PBRM1: variants seen among roughly 807,000 people sequenced by gnomAD.
PBRM1 encodes protein polybromo-1.
A neutral mutation model predicts 194.5 loss-of-function variants in PBRM1; 27 were observed. The observed-to-expected ratio is 0.14, with a 90% CI of 0.10 to 0.19. The LOEUF (loss-of-function observed/expected upper bound fraction) is 0.19, where lower values mean the gene tolerates loss of function less well. Among genes scored for constraint, PBRM1 ranks in the 10% least tolerant of loss-of-function variants. The pLI is 1.00. For synonymous variants in PBRM1, 655 were observed against 693.2 expected, an observed-to-expected ratio of 0.94 and a Z score of 0.87; for missense variants, 1,466 against 2,077.2, an observed-to-expected ratio of 0.71 and a Z score of 5.72.
chr3:52,564,159 G>C (rs2153526137), exon 23 of PBRM1: 1 of 1,613,702 alleles, frequency 6.2e-7, no homozygotes, highest in Non-Finnish European at 8.5e-7. Context: ...CTCTCACAAA[G>C]CAGAATGTCA....
At chr3:52,644,831 A>G (rs762823789) in intron 7 of PBRM1, 42 bp from the exon 9 acceptor site, 8 of 971,100 alleles carry the variant, frequency 8.2e-6, no homozygotes, top group Non-Finnish European at 1.1e-5. Context: ...GGAACAGATA[A>G]AAGGACAGCT....
intron 18 of PBRM1, among the ~76,000 whole-genome samples, chr3:52,588,479 T>C (rs1193370681): frequency 6.6e-6 from 1 of 151,990 alleles, no homozygotes; most frequent in Non-Finnish European, 1.5e-5. Flanking sequence ...AAAGTTTGGC[T>C]CAAAGTATGT....
chr3:52,679,560 T>A lies in PBRM1; in HGVS notation c.138+14A>T, dbSNP rs2154065377. On this transcript the variant is annotated intron_variant, in intron 1 of 29. Coordinates refer to ENST00000296302, the Ensembl canonical transcript of PBRM1. ...GGAAGAGCAGGCAGAAACCATGTAA[T>A]CCAAGTTACTCACAGGATCTACAGT... is the stretch of plus-strand genomic sequence containing the variant. 1.2e-6 allele frequency: 2 copies of A among 1,609,294 alleles called. No homozygotes were observed. The highest frequency in any genetic ancestry group is 1.7e-6 in the Non-Finnish European group (2 of 1,177,604).
intron 6 of PBRM1, among the ~76,000 whole-genome samples, chr3:52,651,307 G>C (rs907878834): frequency 3.9e-5 from 6 of 152,078 alleles, no homozygotes; most frequent in Non-Finnish European, 8.8e-5. Context: ...TCTAACATCC[G>C]TTGTGGGTAG....
At position 52,609,389 on chromosome 3, in the gene PBRM1, T is replaced by A; in HGVS notation, c.2491A>T (p.Asn831Tyr). Residue 831 changes from asparagine to tyrosine, a missense_variant, in exon 16 of 30, where the codon AAT (asparagine) becomes TAT (tyrosine). Around this residue, in one of 5 missense-constraint regions of PBRM1, gnomAD observed 687 missense variants for 946.2 expected, o/e 0.73. Coordinates refer to ENST00000296302, the Ensembl canonical transcript of PBRM1. The surrounding 1 kb of genome is among the most constrained non-coding windows in gnomAD (Gnocchi z 4.1). ...AAATCAAGCCGACGGTAGCGATTAT[T>A]TTCAACATTCTTCCTAATTATGTCA... 6.2e-7 allele frequency: 1 copy of A among 1,613,968 alleles called. No individual in the cohort carries two copies. Among genetic ancestry groups the A allele is most frequent in the Non-Finnish European group, 8.5e-7 (1 of 1,179,836 alleles).
At chr3:52,637,372 A>G (rs2095860346) in intron 10 of PBRM1, among the ~76,000 whole-genome samples, 3 of 152,044 alleles carry the variant, frequency 2.0e-5, no homozygotes, top group Admixed American at 2.0e-4. Context: ...TGGCTCACAC[A>G]TGTAACCCCA....
At chr3:52,679,689 G>A (rs2154067458) in exon 1 of PBRM1, 2 of 1,613,576 alleles carry the variant, frequency 1.2e-6, no homozygotes, top group Non-Finnish European at 1.7e-6. Flanking sequence ...AGGGGAGGTA[G>A]CTCTTCTTCT....
chr3:52,646,821 T>A (rs960367745), intron 7 of PBRM1, among the ~76,000 whole-genome samples: 10 of 152,120 alleles, frequency 6.6e-5, no homozygotes, highest in African/African-American at 1.2e-4. Context: ...CAAGAAAACA[T>A]AGGTGTAAAT....
At chr3:52,573,155 C>T (rs1278737148) in intron 22 of PBRM1, among the ~76,000 whole-genome samples, 2 of 152,188 alleles carry the variant, frequency 1.3e-5, no homozygotes, top group Non-Finnish European at 2.9e-5. Context: ...TTAGTTCTGG[C>T]CCACTCCCTG....
At chr3:52,683,336 T>C (rs922538918), upstream of PBRM1, among the ~76,000 whole-genome samples, 3 of 150,748 alleles carry the variant, frequency 2.0e-5, no homozygotes, top group African/African-American at 7.3e-5. Flanking sequence ...ATCATACCAC[T>C]GCACTCCAGT....
At chr3:52,681,637 A>T (rs915065611), upstream of PBRM1, 1 of 740,360 alleles carries the variant, frequency 1.4e-6, no homozygotes, top group Non-Finnish European at 1.7e-6. Flanking sequence ...AGAAAGGTGG[A>T]AGGAAAAAGT....
intron 10 of PBRM1, among the ~76,000 whole-genome samples, chr3:52,638,254 G>A (rs554577102): frequency 3.0e-4 from 45 of 152,246 alleles, no homozygotes; most frequent in South Asian, 2.9e-3. Context: ...TAGATTCACA[G>A]AATGAACTGC....
intron 3 of PBRM1, among the ~76,000 whole-genome samples, chr3:52,666,374 A>G (rs1276980238): frequency 6.6e-6 from 1 of 152,068 alleles, no homozygotes; most frequent in Non-Finnish European, 1.5e-5. Context: ...AAAACCACGT[A>G]AAAATACAAA....
rs936095236 is a variant in PBRM1 at position 52,609,214 on chromosome 3, T to C, written c.2567+99A>G. The C allele has an allele frequency of 1.1e-6, 1 of 915,090 alleles. No homozygotes were observed. Among genetic ancestry groups the C allele is most frequent in the African/African-American group, 1.7e-5 (1 of 59,876 alleles). 56.7% of individuals were successfully genotyped at this position (915,090 alleles called of 1,614,324 possible). Reference sequence around the variant, plus strand: ...ATAGCATGCTACCAACTACAAATCATGTATGTAAGTGGAAATAGTACATCA... The same window carrying C: ...ATAGCATGCTACCAACTACAAATCACGTATGTAAGTGGAAATAGTACATCA... On this transcript the variant is annotated intron_variant, in intron 16 of 29. Coordinates refer to ENST00000296302, the Ensembl canonical transcript of PBRM1. This position sits in a 1 kb window ranked among gnomAD's most constrained non-coding sequence, Gnocchi z 4.1.
intron 22 of PBRM1, among the ~76,000 whole-genome samples, chr3:52,569,506 G>C (rs140655062): frequency 6.6e-6 from 1 of 152,062 alleles, no homozygotes; most frequent in Non-Finnish European, 1.5e-5. Context: ...CACCGCGCCC[G>C]GCCTTCAATA....
chr3:52,603,157 G>T (rs1032077597), intron 17 of PBRM1, among the ~76,000 whole-genome samples: 1 of 152,196 alleles, frequency 6.6e-6, no homozygotes, highest in Non-Finnish European at 1.5e-5. Context: ...CAATGCTACT[G>T]CATGATGTGG....
At chr3:52,651,795 A>G (rs1452505370) in exon 6 of PBRM1, 1 of 1,604,078 alleles carries the variant, frequency 6.2e-7, no homozygotes, top group South Asian at 1.1e-5. Flanking sequence ...ATTATTGCAT[A>G]ATAATCTGGA....
At chr3:52,602,154 G>A (rs1401986858) in intron 17 of PBRM1, among the ~76,000 whole-genome samples, 2 of 152,140 alleles carry the variant, frequency 1.3e-5, no homozygotes, top group Admixed American at 1.3e-4. Flanking sequence ...CTCTCTTTGT[G>A]ATTATCTTAC....
At chr3:52,572,947 G>A (rs1454744320) in intron 22 of PBRM1, among the ~76,000 whole-genome samples, 2 of 152,212 alleles carry the variant, frequency 1.3e-5, no homozygotes, top group African/African-American at 4.8e-5. Context: ...TGGGGACAGT[G>A]AATTCCACAA....
Sources: gnomAD v4.1 joint callset for allele counts (sites outside exome capture counted in the v4.1 genomes callset) on GRCh38, gnomAD v4.1.1 for gene constraint, gnomAD v4.1.1 regional missense constraint, Gnocchi (gnomAD v3.1) non-coding constraint, MANE v1.5 for transcripts, NCBI Gene and HGNC (gene_info 2026-07-23, HGNC 2026-07-21) for gene names.